Variants in COL4A1 observed in about 807,000 individuals in gnomAD.
COL4A1 encodes collagen type IV alpha 1 chain, also known as collagen alpha-1(IV) chain.
A neutral mutation model predicts 216.6 loss-of-function variants in COL4A1; 40 were observed. The ratio of observed to expected loss-of-function variants is 0.18; its 90% CI spans 0.14 to 0.24. The LOEUF (loss-of-function observed/expected upper bound fraction) is 0.24, where lower values mean the gene tolerates loss of function less well. Among genes scored for constraint, COL4A1 ranks in the 10% least tolerant of loss-of-function variants. The probability of loss-of-function intolerance (pLI) is 1.00; values close to 1 mark genes in which losing one functional copy is unlikely to be tolerated. For missense variants in COL4A1, 1,628 were observed against 2,196.8 expected (o/e 0.74, Z 5.18); for synonymous variants, 839 against 810.7 (o/e 1.03, Z -0.59).
rs531373470 is a variant in COL4A1, at chr13:110,201,466, C to T, written c.1056G>A (p.Pro352=). The part of the protein sequence containing the change: ...EKGERGYPGT[P]GPRGEPGPKG... Reference sequence around the variant, plus strand: ...TTGGGCCTGGCTCTCCTCTTGGCCCCGGAGTTCCAGGGTAGCCCCTCTCTC... The same window carrying T: ...TTGGGCCTGGCTCTCCTCTTGGCCCTGGAGTTCCAGGGTAGCCCCTCTCTC... The change falls in exon 19 of 52, where the codon CCG becomes CCA. Residue 352 remains proline (P), a synonymous_variant. Transcript: ENST00000375820. 4.1e-5 allele frequency: 66 copies of T among 1,614,020 alleles called. No individual in the cohort carries two copies. Among genetic ancestry groups the T allele is most frequent in the Non-Finnish European group, 5.0e-5 (59 of 1,180,008 alleles).
chr13:110,292,300 C>A (rs900167660), intron 1 of COL4A1, among the ~76,000 whole-genome samples: 1 of 152,204 alleles, frequency 6.6e-6, no homozygotes, highest in East Asian at 1.9e-4. Flanking sequence ...GCATTGTCTT[C>A]TTAAAAATGC....
intron 11 of COL4A1, 36 bp downstream of exon 11, chr13:110,209,356 T>C: frequency 6.2e-7 from 1 of 1,601,366 alleles, no homozygotes; most frequent in Non-Finnish European, 8.6e-7. Context: ...AGCCTTATAC[T>C]AATGCCAAAG....
chr13:110,196,897 A>G (rs1878919474), intron 21 of COL4A1, among the ~76,000 whole-genome samples: 1 of 152,186 alleles, frequency 6.6e-6, no homozygotes, highest in African/African-American at 2.4e-5. Context: ...TACATTATAA[A>G]TCTTAGTACA....
chr13:110,252,754 TTATA>T (rs1295678666), intron 1 of COL4A1, among the ~76,000 whole-genome samples: 3 of 142,340 alleles, frequency 2.1e-5, no homozygotes, highest in African/African-American at 5.2e-5. Flanking sequence ...ATACATATAA[TTATA>T]TGTATGTATC....
chr13:110,269,488 G>C (rs1175387416), intron 1 of COL4A1, among the ~76,000 whole-genome samples: 2 of 152,128 alleles, frequency 1.3e-5, no homozygotes, highest in Non-Finnish European at 2.9e-5. Context: ...GAAAATAGTG[G>C]TGTTATTTTA....
At chr13:110,192,166 T>C (rs774518659) in intron 24 of COL4A1, 48 bp downstream of exon 24, 29 of 1,587,260 alleles carry the variant, frequency 1.8e-5, no homozygotes, top group Non-Finnish European at 2.5e-5. Flanking sequence ...GTCCACGTGC[T>C]TGGTGGCAAC....
chr13:110,300,806 A>G (rs540964963), intron 1 of COL4A1, among the ~76,000 whole-genome samples: 12 of 152,352 alleles, frequency 7.9e-5, no homozygotes, highest in Admixed American at 2.6e-4. Context: ...GCAACAGAAG[A>G]TGAGGAGGTT....
chr13:110,256,709 C>T (rs1882587296), intron 1 of COL4A1, among the ~76,000 whole-genome samples: 1 of 151,934 alleles, frequency 6.6e-6, no homozygotes, highest in Admixed American at 6.6e-5. Context: ...TCCACTTTAA[C>T]CCAGCTACAC....
chr13:110,203,884 T>C (rs1461619235), intron 17 of COL4A1, among the ~76,000 whole-genome samples: 1 of 152,216 alleles, frequency 6.6e-6, no homozygotes, highest in East Asian at 1.9e-4. Context: ...ACTTGTCCCA[T>C]CAACTGCACA....
chr13:110,307,101 G>A lies in COL4A1; in HGVS notation c.-74C>T, dbSNP rs1213819866. The A allele has an allele frequency of 4.8e-6, 6 of 1,245,218 alleles. No individual in the cohort carries two copies. Among genetic ancestry groups the A allele is most frequent in the Non-Finnish European group, 6.3e-6 (6 of 949,778 alleles). The allele number at this position is 1,245,218 out of a possible 1,614,324, so 77.1% of individuals were successfully genotyped here. The stretch of plus-strand genomic sequence containing the variant: ...CGCGGCGGACAGCTAGCTCTCGGAA[G>A]GCCGGACTTCCAGCGCTACGCACCG... On this transcript the variant is annotated 5_prime_UTR_variant, in exon 1 of 52. Transcript: ENST00000375820. The surrounding 1 kb of genome is among the most constrained non-coding windows in gnomAD (Gnocchi z 5.0).
At position 110,276,300 on chromosome 13, in the gene COL4A1, C is replaced by T. The variant is rs149125073; in HGVS notation, c.84+30644G>A. Among the ~76,000 whole-genome samples, 441 of 152,282 alleles carry T rather than the reference C, an allele frequency of 2.9e-3. 1 individual carries two copies. The highest frequency in any genetic ancestry group is 4.6e-3 in the Non-Finnish European group (310 of 68,030). On this transcript the variant is annotated intron_variant, in intron 1 of 51. Transcript: ENST00000375820. ...ATTGCGAAACAGTGGAACAGAGCTT[C>T]GTAAAACATCTGCATAATTGTTTTA... is the stretch of plus-strand genomic sequence containing the variant.
At position 110,150,058 on chromosome 13, in the gene COL4A1, T is replaced by A; in HGVS notation, c.*305A>T. ...AGGCACCCACACCTCCTAGCACCCTTTGGTTTTCTGATGGAGTTCTCACTT... is the reference window on the plus strand; with the variant it reads ...AGGCACCCACACCTCCTAGCACCCTATGGTTTTCTGATGGAGTTCTCACTT... On this transcript the variant is annotated 3_prime_UTR_variant, in exon 52 of 52. Coordinates refer to ENST00000375820, the MANE Select transcript of COL4A1 (RefSeq NM_001845.6). 2.4e-6 allele frequency: 1 copy of A among 417,150 alleles called. No homozygotes were observed. The highest frequency in any genetic ancestry group is 2.0e-5 in the African/African-American group (1 of 49,128). The allele number at this position is 417,150 out of a possible 1,614,324, so 25.8% of individuals were successfully genotyped here.
In COL4A1 at chr13:110,203,577, G is replaced by A. The variant is rs1400870848; in HGVS notation, c.988C>T (p.Pro330Ser). Residue 330 changes from proline to serine, a missense_variant, in exon 18 of 52, where the codon CCA (proline) becomes TCA (serine). Pro to Ser is a moderately conservative substitution (Grantham distance 74). Transcript: ENST00000375820. Reference sequence around the variant, plus strand: ...GCACTCTTACTCACAATTCCAGGTGGGCCAGGAGGACCTGCTTCACCCTTT... The same window carrying A: ...GCACTCTTACTCACAATTCCAGGTGAGCCAGGAGGACCTGCTTCACCCTTT... ...GEKGEAGPPG[P>S]PGIVIGTGPL... The A allele has an allele frequency of 1.2e-6, 2 of 1,613,830 alleles. No individual in the cohort carries two copies. The highest frequency in any genetic ancestry group is 1.7e-6 in the Non-Finnish European group (2 of 1,179,994).
At chr13:110,168,223 C>T (rs2139152847) in intron 43 of COL4A1, among the ~76,000 whole-genome samples, 1 of 152,300 alleles carries the variant, frequency 6.6e-6, no homozygotes, top group East Asian at 1.9e-4. Context: ...CCATGTTGGC[C>T]AGGCTGGTCT....
Position 110,152,394 on chromosome 13 carries a change from T to A in COL4A1, c.4868A>T (p.Asn1623Ile). ...FIECHGRGTC[N>I]YYANAYSFWL... Reference sequence around the variant, plus strand: ...AAAGCTGTAAGCGTTTGCGTAGTAATTGCAGGTCCCACGGCCGTGACACTC... The same window carrying A: ...AAAGCTGTAAGCGTTTGCGTAGTAAATGCAGGTCCCACGGCCGTGACACTC... The change falls in exon 51 of 52, where the codon AAT (asparagine) becomes ATT (isoleucine). Residue 1623 changes from asparagine to isoleucine, a missense_variant. Transcript: ENST00000375820. 6.2e-7 allele frequency: 1 copy of A among 1,614,192 alleles called. No homozygotes were observed. Among genetic ancestry groups the A allele is most frequent in the African/African-American group, 1.3e-5 (1 of 75,048 alleles).
chr13:110,236,732 A>G (rs530864602), intron 2 of COL4A1, among the ~76,000 whole-genome samples: 1 of 152,338 alleles, frequency 6.6e-6, no homozygotes, highest in East Asian at 1.9e-4. Flanking sequence ...GGGGTGACCC[A>G]GTGCTCACGC....
rs780782845 is a variant in COL4A1, at chr13:110,177,882, T to C, written c.2676A>G (p.Ser892=). The C allele has an allele frequency of 2.5e-6, 4 of 1,614,146 alleles. No individual in the cohort carries two copies. The highest frequency in any genetic ancestry group is 3.4e-6 in the Non-Finnish European group (4 of 1,180,030). Residue 892 remains serine (S), a synonymous_variant, in exon 33 of 52, where the codon TCA becomes TCG. Transcript: ENST00000375820. ...ATCCAGGAGCACCCACTGGTCCTGGTGAGCCCGGCTGCCCGGGGGTCCCCA... is the reference window on the plus strand; with the variant it reads ...ATCCAGGAGCACCCACTGGTCCTGGCGAGCCCGGCTGCCCGGGGGTCCCCA... ...GVMGTPGQPG[S]PGPVGAPGLP...
At chr13:110,288,289 T>C (rs1883928820) in intron 1 of COL4A1, among the ~76,000 whole-genome samples, 1 of 149,998 alleles carries the variant, frequency 6.7e-6, no homozygotes, top group African/African-American at 2.4e-5. Context: ...ATAATAATAA[T>C]AATAATAATT....
rs547431945 is a variant in COL4A1 at position 110,180,915 on chromosome 13, T to C, written c.2193+377A>G. ...AGAGCTATTGAACCCAGAATGCCAG[T>C]AGTGCTGAGGCTGAGAAACCATCCT... On this transcript the variant is annotated intron_variant, in intron 29 of 51. Transcript: ENST00000375820. Among the ~76,000 whole-genome samples, 5 of 152,274 alleles carry C rather than the reference T, an allele frequency of 3.3e-5. No individual in the cohort carries two copies. The East Asian group carries it at 9.7e-4, about 29-fold the overall frequency.
Sources: allele counts gnomAD v4.1 joint callset (sites outside exome capture counted in the v4.1 genomes callset), GRCh38; gene constraint gnomAD v4.1.1; non-coding constraint Gnocchi (gnomAD v3.1); transcripts MANE v1.5; gene names NCBI Gene and HGNC (gene_info 2026-07-23, HGNC 2026-07-21).